PCDH7: variants seen among roughly 807,000 people sequenced by gnomAD.
The protein encoded by PCDH7 is protocadherin 7, also known as protocadherin-7.
Under a neutral mutation model 58.9 loss-of-function variants are expected in PCDH7, and 17 were observed. The observed-to-expected ratio is 0.29, with a 90% CI of 0.20 to 0.43. The LOEUF is 0.43. PCDH7 is among the 20% of genes least tolerant of loss of function. PCDH7 has a pLI of 1.00. For synonymous variants in PCDH7, 664 were observed against 616.4 expected, an observed-to-expected ratio of 1.08 and a Z score of -1.14; for missense variants, 1,274 against 1,441.0, an observed-to-expected ratio of 0.88 and a Z score of 1.88.
At chr4:30,911,887 T>A (rs181529461) in intron 1 of PCDH7, among the ~76,000 whole-genome samples, 2,661 of 150,824 alleles carry the variant, frequency 0.018, 40 homozygotes, top group Non-Finnish European at 0.029. Flanking sequence ...CTGCTTTTTT[T>A]AAAAAAAAAA....
At chr4:30,947,433 C>CGTT (rs1339940157) in intron 2 of PCDH7, among the ~76,000 whole-genome samples, 2 of 152,086 alleles carry the variant, frequency 1.3e-5, no homozygotes, top group East Asian at 3.9e-4. Flanking sequence ...TAACTCATAT[C>CGTT]GTTGTCCATA....
chr4:30,928,390 G>T (rs531076239), intron 2 of PCDH7, among the ~76,000 whole-genome samples: 2 of 152,226 alleles, frequency 1.3e-5, no homozygotes, highest in East Asian at 3.9e-4. Context: ...AGAACAATAG[G>T]TGTCTCTTGT....
At chr4:30,875,663 A>G (rs1736194889) in intron 1 of PCDH7, among the ~76,000 whole-genome samples, 1 of 152,006 alleles carries the variant, frequency 6.6e-6, no homozygotes, top group Admixed American at 6.6e-5. Flanking sequence ...TCAGCCCTGG[A>G]CTCACTTGGG....
chr4:31,047,773 T>C (rs894529891), intron 3 of PCDH7, among the ~76,000 whole-genome samples: 3 of 152,102 alleles, frequency 2.0e-5, no homozygotes, highest in African/African-American at 7.2e-5. Context: ...CCTTAACCTA[T>C]ATTTTATTCT....
At chr4:30,882,818 A>G (rs1737160333) in intron 1 of PCDH7, among the ~76,000 whole-genome samples, 1 of 152,208 alleles carries the variant, frequency 6.6e-6, no homozygotes, top group Non-Finnish European at 1.5e-5. Flanking sequence ...AGTTAGTAGT[A>G]TATGCTTCTT....
At chr4:30,899,456 G>A (rs1739915539) in intron 1 of PCDH7, among the ~76,000 whole-genome samples, 1 of 152,094 alleles carries the variant, frequency 6.6e-6, no homozygotes, top group South Asian at 2.1e-4. Flanking sequence ...GCTACTACCT[G>A]TAGCTCCCTC....
At chr4:30,893,606 G>GT (rs1738898169) in intron 1 of PCDH7, among the ~76,000 whole-genome samples, 1 of 152,076 alleles carries the variant, frequency 6.6e-6, no homozygotes, top group South Asian at 2.1e-4. Flanking sequence ...ATTGCTACAT[G>GT]TGAGGTCTGA....
chr4:30,947,148 A>C (rs771712826), intron 2 of PCDH7, among the ~76,000 whole-genome samples: 2 of 152,088 alleles, frequency 1.3e-5, no homozygotes, highest in Admixed American at 6.6e-5. Flanking sequence ...CAGCCTCTTA[A>C]TATCTGTACT....
intron 1 of PCDH7, among the ~76,000 whole-genome samples, chr4:30,842,287 A>C (rs928420711): frequency 6.6e-6 from 1 of 152,148 alleles, no homozygotes; most frequent in Non-Finnish European, 1.5e-5. Context: ...AATTAACCGA[A>C]TGCATAGAAA....
intron 3 of PCDH7, among the ~76,000 whole-genome samples, chr4:31,097,147 A>G (rs998228648): frequency 1.3e-5 from 2 of 152,142 alleles, no homozygotes; most frequent in Non-Finnish European, 2.9e-5. Flanking sequence ...GCCATTTTTT[A>G]GACCATGACA....
At chr4:30,844,720 C>T (rs989800773) in intron 1 of PCDH7, among the ~76,000 whole-genome samples, 3 of 152,128 alleles carry the variant, frequency 2.0e-5, no homozygotes, top group Non-Finnish European at 4.4e-5. Context: ...TTTGAGCATA[C>T]TGCAATCTGC....
At chr4:30,895,483 A>G (rs1056888105) in intron 1 of PCDH7, among the ~76,000 whole-genome samples, 1 of 152,104 alleles carries the variant, frequency 6.6e-6, no homozygotes, top group Non-Finnish European at 1.5e-5. Context: ...GGATTTTATA[A>G]TTGGGTTTGT....
chr4:30,891,655 C>A (rs981585529), intron 1 of PCDH7, among the ~76,000 whole-genome samples: 1 of 151,970 alleles, frequency 6.6e-6, no homozygotes, highest in Admixed American at 6.6e-5. Flanking sequence ...GCAGCAACAA[C>A]AAACTCCATC....
intron 3 of PCDH7, among the ~76,000 whole-genome samples, chr4:31,055,355 C>T (rs73218806): frequency 0.039 from 5,922 of 151,900 alleles, 170 homozygotes; most frequent in Middle Eastern, 0.072. Context: ...TTTTGAAAAA[C>T]GAATTTCTAC....
chr4:30,856,707 AAT>A lies in PCDH7; in HGVS notation c.71-63432_71-63431del, dbSNP rs1182128974. On this transcript the variant is annotated intron_variant, in intron 1 of 3. Transcript: ENST00000509759. ...TACTGATATCAGAAAAAAAAAAAAA[AAT>A]ATATATATATATACATGCTTTAAAC... Among the ~76,000 whole-genome samples, 862 of 142,444 alleles carry A rather than the reference AAT, an allele frequency of 6.1e-3. 11 individuals carry two copies. The East Asian group carries it at 0.063, about 10-fold the overall frequency. The allele number at this position is 142,444 out of a possible 152,430, so 93.4% of individuals were successfully genotyped here.
At chr4:30,735,904 G>A (rs936124564), downstream of PCDH7, among the ~76,000 whole-genome samples, 5 of 152,144 alleles carry the variant, frequency 3.3e-5, no homozygotes, top group African/African-American at 1.2e-4. Flanking sequence ...TTTAGACCAA[G>A]TGGCTTGTTT....
chr4:30,925,835 A>C (rs1743800700), intron 2 of PCDH7: 1 of 152,228 alleles, frequency 6.6e-6, no homozygotes, highest in African/African-American at 2.4e-5. Flanking sequence ...TCAGCTGTCT[A>C]GTAAAATGAG....
chr4:31,091,887 A>C (rs1713300463), intron 3 of PCDH7, among the ~76,000 whole-genome samples: 1 of 151,944 alleles, frequency 6.6e-6, no homozygotes, highest in Admixed American at 6.6e-5. Context: ...TGCATGATTA[A>C]AGGAAATGAA....
In PCDH7 at chr4:30,811,858, C is replaced by G. The variant is rs998880568; in HGVS notation, c.70+87262C>G. ...AAGGAGAAGATTCAGATCACTGGAG[C>G]TGGGCCTTGAAGTGATAATAATATT... is the stretch of plus-strand genomic sequence containing the variant. On this transcript the variant is annotated intron_variant, in intron 1 of 3. Transcript: ENST00000509759. Among the ~76,000 whole-genome samples the G allele has an allele frequency of 2.0e-5, 3 of 152,186 alleles. No homozygotes were observed. The East Asian group carries it at 5.8e-4, about 29-fold the overall frequency.
Sources: allele counts gnomAD v4.1 joint callset (sites outside exome capture counted in the v4.1 genomes callset), GRCh38; gene constraint gnomAD v4.1.1; transcripts MANE v1.5; gene names NCBI Gene and HGNC (gene_info 2026-07-23, HGNC 2026-07-21).